The following PNPLA2 variants were observed in gnomAD, a reference collection of about 807,000 sequenced individuals.
PNPLA2 encodes the protein patatin-like phospholipase domain-containing protein 2.
A neutral mutation model predicts 39.7 loss-of-function variants in PNPLA2; 28 were observed. The observed-to-expected ratio is 0.70, with a 90% CI of 0.52 to 0.97. The LOEUF (loss-of-function observed/expected upper bound fraction) is 0.97, where lower values mean the gene tolerates loss of function less well. Among genes scored for constraint, PNPLA2 ranks in the 50% least tolerant of loss-of-function variants. The pLI is 0.00. For synonymous variants in PNPLA2, 392 were observed against 321.1 expected (o/e 1.22, Z -2.36); for missense variants, 768 against 698.2 (o/e 1.10, Z -1.13).
rs372342635 is a variant in PNPLA2, at chr11:822,390, G to A, written c.487-7G>A. ...ACATACGGTCCTGTCTGTGTGTCCC[G>A]TGGAAGCGCTACGTGGATGGTGGCA... On this transcript the variant is annotated splice_polypyrimidine_tract_variant and splice_region_variant and intron_variant, in intron 4 of 9. Transcript: ENST00000336615. The A allele has an allele frequency of 3.7e-5, 60 of 1,613,022 alleles. No individual in the cohort carries two copies. The highest frequency in any genetic ancestry group is 1.6e-4 in the Middle Eastern group (1 of 6,084).
Position 825,096 on chromosome 11 carries a change from C to G in PNPLA2, c.*234C>G. 1.7e-6 allele frequency: 1 copy of G among 582,890 alleles called. No homozygotes were observed. The highest frequency in any genetic ancestry group is 3.0e-6 in the Non-Finnish European group (1 of 328,348). The allele number at this position is 582,890 out of a possible 1,614,324, so 36.1% of individuals were successfully genotyped here. Reference sequence around the variant, plus strand: ...CTGTGCTGCCCGAGCACCTCCCCCGCCCCTTTACTCCTGAGAACTTTGCAG... The same window carrying G: ...CTGTGCTGCCCGAGCACCTCCCCCGGCCCTTTACTCCTGAGAACTTTGCAG... On this transcript the variant is annotated 3_prime_UTR_variant, in exon 10 of 10. Transcript: ENST00000336615.
Position 823,709 on chromosome 11 carries a change from C to T in PNPLA2, c.773C>T (p.Pro258Leu). 6.2e-7 allele frequency: 1 copy of T among 1,608,078 alleles called. No homozygotes were observed. Among genetic ancestry groups the T allele is most frequent in the Non-Finnish European group, 8.5e-7 (1 of 1,177,886 alleles). ...FLQRNGLLNR[P>L]NPLLALPPAR... ...CCAACCCCAGGCCTCCTGAACCGGC[C>T]CAACCCCTTGCTGGCGTTGCCCCCC... is the stretch of plus-strand genomic sequence containing the variant. The change falls in exon 7 of 10, where the codon CCC (proline) becomes CTC (leucine). Residue 258 changes from proline to leucine, a missense_variant. Coordinates refer to ENST00000336615, the MANE Select transcript of PNPLA2 (RefSeq NM_020376.4).
Position 824,825 on chromosome 11 carries a change from C to T in PNPLA2, c.1478C>T (p.Pro493Leu), listed in dbSNP as rs995158737. Residue 493 changes from proline (P) to leucine (L), a missense_variant, in exon 10 of 10, where the codon CCC (proline) becomes CTC (leucine). Transcript: ENST00000336615. ...GPAPLLSTPA[P>L]EARPVIGALG... ...GCCCCCTTGCTGAGCACCCCTGCTC[C>T]CGAGGCCCGGCCCGTGATCGGGGCC... The T allele has an allele frequency of 2.0e-6, 3 of 1,534,844 alleles. No individual in the cohort carries two copies. In the African/African-American group the frequency reaches 4.1e-5, roughly 21 times the overall value.
chr11:822,370 C>A, intron 4 of PNPLA2, 27 bp from the exon 5 acceptor site: 1 of 1,597,506 alleles, frequency 6.3e-7, no homozygotes, highest in Non-Finnish European at 8.6e-7. Context: ...CCCTCACATA[C>A]GGTCCTGTCT....
chr11:820,625 A>G (rs893437113), intron 2 of PNPLA2, among the ~76,000 whole-genome samples: 1 of 152,198 alleles, frequency 6.6e-6, no homozygotes, highest in Non-Finnish European at 1.5e-5. Flanking sequence ...ACACGACTTC[A>G]GGAGCCTGTG....
Position 819,755 on chromosome 11 carries a change from G to A in PNPLA2, c.37G>A (p.Ala13Thr). The A allele has an allele frequency of 1.3e-6, 2 of 1,509,476 alleles. No homozygotes were observed. The highest frequency in any genetic ancestry group is 8.9e-7 in the Non-Finnish European group (1 of 1,129,294). 93.5% of individuals were successfully genotyped at this position (1,509,476 alleles called of 1,614,324 possible). A position where few individuals can be genotyped will look rare whatever the true frequency, so the allele number is the denominator to read the frequency against. ...CGAGAAGACGTGGAACATCTCGTTCGCGGGCTGCGGCTTCCTCGGCGTCTA... is the reference window on the plus strand; with the variant it reads ...CGAGAAGACGTGGAACATCTCGTTCACGGGCTGCGGCTTCCTCGGCGTCTA... ...PREKTWNISF[A>T]GCGFLGVYYV... Residue 13 changes from alanine to threonine, a missense_variant, in exon 2 of 10, where the codon GCG (alanine) becomes ACG (threonine). By Grantham distance (58) the Ala-to-Thr change is moderately conservative. Coordinates refer to ENST00000336615, the MANE Select transcript of PNPLA2 (RefSeq NM_020376.4).
At chr11:822,885 C>T (rs1305044268) in intron 5 of PNPLA2, among the ~76,000 whole-genome samples, 2 of 146,838 alleles carry the variant, frequency 1.4e-5, no homozygotes, top group Non-Finnish European at 1.5e-5. Context: ...AGTGCAGTGG[C>T]AGGATCTCAG....
rs761885395 is a variant in PNPLA2 at position 819,883 on chromosome 11, G to C, written c.165G>C (p.Ala55=). 1.3e-5 allele frequency: 19 copies of C among 1,443,928 alleles called. No individual in the cohort carries two copies. Among genetic ancestry groups the C allele is most frequent in the Admixed American group, 5.2e-5 (2 of 38,432 alleles). 89.4% of individuals were successfully genotyped at this position (1,443,928 alleles called of 1,614,324 possible). ...CGGCCGGGGCGCTCACGGCCACGGC[G>C]CTGGTCACCGGGGTCTGCCTGGGTG... The part of the protein sequence containing the change: ...GASAGALTAT[A]LVTGVCLGEA... The change falls in exon 2 of 10, where the codon GCG becomes GCC. Residue 55 remains alanine, a synonymous_variant. Transcript: ENST00000336615.
At chr11:821,891 G>A (rs764117158) in intron 3 of PNPLA2, 31 bp downstream of exon 3, 37 of 1,610,526 alleles carry the variant, frequency 2.3e-5, no homozygotes, top group Non-Finnish European at 2.5e-5. Context: ...GCTGGGTGGC[G>A]GTGGGGGGGG....
rs1344174615 is a variant in PNPLA2, at chr11:824,845, G to A, written c.1498G>A (p.Gly500Arg). ...TPAPEARPVI[G>R]ALGL Reference sequence around the variant, plus strand: ...TGCTCCCGAGGCCCGGCCCGTGATCGGGGCCCTGGGGCTGTGAGACCCCGA... The same window carrying A: ...TGCTCCCGAGGCCCGGCCCGTGATCAGGGCCCTGGGGCTGTGAGACCCCGA... Residue 500 changes from glycine to arginine, a missense_variant, in exon 10 of 10, where the codon GGG becomes AGG. Gly to Arg is a moderately radical substitution (Grantham distance 125, BLOSUM62 -2). Coordinates refer to ENST00000336615, the MANE Select transcript of PNPLA2 (RefSeq NM_020376.4). 13 of 1,534,182 alleles carry A rather than the reference G, an allele frequency of 8.5e-6. No individual in the cohort carries two copies. Among genetic ancestry groups the A allele is most frequent in the South Asian group, 1.2e-5 (1 of 84,058 alleles).
At chr11:823,966 C>T in intron 7 of PNPLA2, 32 bp from the exon 8 acceptor site, 1 of 1,573,186 alleles carries the variant, frequency 6.4e-7, no homozygotes. Context: ...CCCGCTGCCT[C>T]CACTGGCCGC....
intron 5 of PNPLA2, among the ~76,000 whole-genome samples, chr11:823,207 A>G (rs58771985): frequency 0.25 from 37,571 of 151,474 alleles, 6,158 homozygotes; most frequent in African/African-American, 0.46. Context: ...ACAGGTGCCC[A>G]CCACCACGCC....
In PNPLA2 at chr11:824,914, G is replaced by A. The variant is rs1590181499; in HGVS notation, c.*52G>A. ...CCTGAGACGCCTCCATTACCACTGC[G>A]CAGTGAGATGAGGGGACTCACAGTT... On this transcript the variant is annotated 3_prime_UTR_variant, in exon 10 of 10. Coordinates refer to ENST00000336615, the MANE Select transcript of PNPLA2 (RefSeq NM_020376.4). The A allele has an allele frequency of 5.8e-6, 8 of 1,389,408 alleles. No homozygotes were observed. Among genetic ancestry groups the A allele is most frequent in the African/African-American group, 2.8e-5 (2 of 70,314 alleles). 86.1% of individuals were successfully genotyped at this position (1,389,408 alleles called of 1,614,324 possible). A position where few individuals can be genotyped will look rare whatever the true frequency, so the allele number is the denominator to read the frequency against.
Position 819,618 on chromosome 11 carries a change from G to T in PNPLA2, c.-101G>T. ...GGGGACCCCGAGCTAGAGCCGCAGC[G>T]GGACCTGCCCGGCCCCCGGCTCCAG... On this transcript the variant is annotated 5_prime_UTR_variant, in exon 2 of 10. Transcript: ENST00000336615. The T allele has an allele frequency of 1.5e-6, 2 of 1,303,100 alleles. No homozygotes were observed. Among genetic ancestry groups the T allele is most frequent in the Non-Finnish European group, 2.0e-6 (2 of 1,011,698 alleles). 80.7% of individuals were successfully genotyped at this position (1,303,100 alleles called of 1,614,324 possible).
At chr11:823,942 A>G (rs1220513307) in intron 7 of PNPLA2, 56 bp from the exon 8 acceptor site, 2 of 1,549,090 alleles carry the variant, frequency 1.3e-6, no homozygotes, top group African/African-American at 2.7e-5. Context: ...AGGGAAGCCG[A>G]GCGGGTCCTG....
chr11:821,927 C>A, intron 3 of PNPLA2, 31 bp from the exon 4 acceptor site: 1 of 1,612,972 alleles, frequency 6.2e-7, no homozygotes, highest in Non-Finnish European at 8.5e-7. Context: ...GGCCTCTGCT[C>A]ATTCTCTCCC....
At chr11:821,413 C>T in intron 2 of PNPLA2, 2 of 605,362 alleles carry the variant, frequency 3.3e-6, no homozygotes, top group Non-Finnish European at 5.9e-6. Flanking sequence ...TGGGAAATAC[C>T]AGGCAGAGGG....
Position 823,599 on chromosome 11 carries a change from C to T in PNPLA2, c.757+12C>T, listed in dbSNP as rs769134804. 2 of 1,439,338 alleles carry T rather than the reference C, an allele frequency of 1.4e-6. No individual in the cohort carries two copies. The highest frequency in any genetic ancestry group is 1.4e-5 in the African/African-American group (1 of 70,842). The allele number at this position is 1,439,338 out of a possible 1,614,324, so 89.2% of individuals were successfully genotyped here. On this transcript the variant is annotated intron_variant, in intron 6 of 9. Coordinates refer to ENST00000336615, the MANE Select transcript of PNPLA2 (RefSeq NM_020376.4). ...TCTGCAGCGGAACGGTGCGCGGACC[C>T]GGGCGGGAGAGGGCGGGGTGGGCTC... is the stretch of plus-strand genomic sequence containing the variant.
At chr11:821,200 C>T (rs1280496466) in intron 2 of PNPLA2, 4 of 268,320 alleles carry the variant, frequency 1.5e-5, no homozygotes, top group African/African-American at 6.7e-5. Flanking sequence ...GAACTGGGCC[C>T]TGACTACTTC....
Sources: gnomAD v4.1 joint callset for allele counts (sites outside exome capture counted in the v4.1 genomes callset) on GRCh38, gnomAD v4.1.1 for gene constraint, MANE v1.5 for transcripts, NCBI Gene and HGNC (gene_info 2026-07-23, HGNC 2026-07-21) for gene names.